Variants in KCNMB2 observed in about 807,000 individuals in gnomAD.
KCNMB2 encodes potassium calcium-activated channel subfamily M regulatory beta subunit 2, also known as calcium-activated potassium channel subunit beta-2.
KCNMB2 carries 9 observed loss-of-function variants against 24.5 expected under a neutral mutation model. The observed-to-expected ratio is 0.37, with a 90% CI of 0.22 to 0.64. KCNMB2 has a LOEUF of 0.64. Among genes scored for constraint, KCNMB2 ranks in the 30% least tolerant of loss-of-function variants. The pLI is 0.63. For missense variants in KCNMB2, 226 were observed against 284.3 expected (o/e 0.79, Z 1.47); for synonymous variants, 109 against 104.4 (o/e 1.04, Z -0.27).
chr3:178,698,656 A>G (rs1259941903), intron 1 of KCNMB2, among the ~76,000 whole-genome samples: 2 of 152,220 alleles, frequency 1.3e-5, no homozygotes, highest in African/African-American at 4.8e-5. Flanking sequence ...CCCTTGCCAA[A>G]GCAGTGATGC....
intron 1 of KCNMB2, among the ~76,000 whole-genome samples, chr3:178,596,275 C>T (rs1717870274): frequency 6.6e-6 from 1 of 151,968 alleles, no homozygotes; most frequent in Middle Eastern, 3.4e-3. Flanking sequence ...AATGATAGTT[C>T]AGAATAAGAA....
At chr3:178,836,944 C>A (rs1400053952) in intron 4 of KCNMB2, among the ~76,000 whole-genome samples, 4 of 152,018 alleles carry the variant, frequency 2.6e-5, no homozygotes, top group Non-Finnish European at 4.4e-5. Flanking sequence ...CATAAAAATA[C>A]CCTCTGAACA....
Position 178,593,604 on chromosome 3 carries a change from C to T in KCNMB2, c.-68+56893C>T, listed in dbSNP as rs75931638. ...TTTATTCTATTGATTTTGACCGATG[C>T]TTATTTTGTTGACCAATAGTTATTT... On this transcript the variant is annotated intron_variant, in intron 1 of 4. Coordinates refer to ENST00000452583, the MANE Select transcript of KCNMB2 (RefSeq NM_181361.3). Among the ~76,000 whole-genome samples the T allele has an allele frequency of 1.7e-3, 262 of 151,936 alleles. 1 individual carries two copies. The highest frequency in any genetic ancestry group is 6.2e-3 in the African/African-American group (257 of 41,416).
intron 1 of KCNMB2, among the ~76,000 whole-genome samples, chr3:178,543,738 AT>A (rs1365491273): frequency 5.3e-5 from 8 of 152,100 alleles, no homozygotes; most frequent in Admixed American, 3.3e-4. Flanking sequence ...GTTCTTTAAT[AT>A]TTTGTAATTT....
chr3:178,757,071 C>G (rs991456582), intron 1 of KCNMB2: 1 of 151,104 alleles, frequency 6.6e-6, no homozygotes, highest in African/African-American at 2.4e-5. Flanking sequence ...TACACCCATC[C>G]TTGCTTACCT....
chr3:178,647,957 T>A (rs1260527253), intron 1 of KCNMB2, among the ~76,000 whole-genome samples: 1 of 151,704 alleles, frequency 6.6e-6, no homozygotes, highest in East Asian at 1.9e-4. Flanking sequence ...TAATTATATA[T>A]AAATAATTAA....
In KCNMB2 at chr3:178,594,913, T is replaced by C. The variant is rs1006292569; in HGVS notation, c.-68+58202T>C. Among the ~76,000 whole-genome samples the C allele has an allele frequency of 2.0e-5, 3 of 152,034 alleles. No individual in the cohort carries two copies. The East Asian group carries it at 5.8e-4, about 29-fold the overall frequency. On this transcript the variant is annotated intron_variant, in intron 1 of 4. Coordinates refer to ENST00000452583, the MANE Select transcript of KCNMB2 (RefSeq NM_181361.3). ...CTTCACCATATTCTCTTATGAAAAA[T>C]CTGTTTGCAATTCTTCTTTCCAATG...
intron 2 of KCNMB2, among the ~76,000 whole-genome samples, chr3:178,808,464 T>C (rs149283590): frequency 1.4e-4 from 21 of 152,194 alleles, no homozygotes; most frequent in African/African-American, 4.3e-4. Flanking sequence ...AATTGATAAA[T>C]GGTGCTGGGC....
At position 178,742,992 on chromosome 3, in the gene KCNMB2, C is replaced by A. The variant is rs150062040; in HGVS notation, c.-67-64351C>A. On this transcript the variant is annotated intron_variant, in intron 1 of 4. Coordinates refer to ENST00000452583, the MANE Select transcript of KCNMB2 (RefSeq NM_181361.3). ...ATTGAATGATTTTTTGAGTCTGTGG[C>A]TGTTACAAGAAACACTATTTTGAGG... Among the ~76,000 whole-genome samples, 3 of 152,172 alleles carry A rather than the reference C, an allele frequency of 2.0e-5. No individual in the cohort carries two copies. In the East Asian group the frequency reaches 5.8e-4, roughly 30 times the overall value.
chr3:178,769,955 AT>A (rs1712277414), intron 1 of KCNMB2, among the ~76,000 whole-genome samples: 1 of 152,236 alleles, frequency 6.6e-6, no homozygotes, highest in African/African-American at 2.4e-5. Context: ...ACAGAAAAAA[AT>A]GTCTGTAACT....
chr3:178,659,628 T>G (rs1006498205), intron 1 of KCNMB2, among the ~76,000 whole-genome samples: 8 of 152,316 alleles, frequency 5.3e-5, no homozygotes, highest in African/African-American at 1.9e-4. Context: ...ATTTGGTCAA[T>G]TTCTGCACTG....
intron 1 of KCNMB2, among the ~76,000 whole-genome samples, chr3:178,542,033 G>A (rs969814985): frequency 2.6e-5 from 4 of 152,112 alleles, no homozygotes; most frequent in Non-Finnish European, 5.9e-5. Context: ...CCACCCAATA[G>A]GGGAACAACA....
chr3:178,786,202 T>C (rs1189248556), intron 1 of KCNMB2, among the ~76,000 whole-genome samples: 5 of 152,142 alleles, frequency 3.3e-5, no homozygotes, highest in Non-Finnish European at 5.9e-5. Context: ...ATTTTACACA[T>C]ATTATGAGTT....
chr3:178,654,928 GT>G lies in KCNMB2; in HGVS notation c.-68+118218del, dbSNP rs551110643. Among the ~76,000 whole-genome samples the G allele has an allele frequency of 4.6e-5, 7 of 152,254 alleles. No homozygotes were observed. The East Asian group carries it at 1.2e-3, about 25-fold the overall frequency. On this transcript the variant is annotated intron_variant, in intron 1 of 4. Coordinates refer to ENST00000452583, the MANE Select transcript of KCNMB2 (RefSeq NM_181361.3). ...TGTCTAAGCCTCAGTTTTCTCATTT[GT>G]AACATGGAGATTATAGTGGTTTCTA...
At chr3:178,622,824 C>G (rs1718971956) in intron 1 of KCNMB2, among the ~76,000 whole-genome samples, 1 of 152,130 alleles carries the variant, frequency 6.6e-6, no homozygotes. Flanking sequence ...AACGTAGGAT[C>G]CTTTAATTGG....
intron 1 of KCNMB2, among the ~76,000 whole-genome samples, chr3:178,767,129 C>T (rs1184095836): frequency 6.6e-6 from 1 of 152,130 alleles, no homozygotes; most frequent in Non-Finnish European, 1.5e-5. Flanking sequence ...TTATCTGGTT[C>T]AAAATGTGAA....
chr3:178,757,695 TATATATCC>T (rs1724172175), intron 1 of KCNMB2, among the ~76,000 whole-genome samples: 1 of 71,528 alleles, frequency 1.4e-5, no homozygotes, highest in African/African-American at 5.4e-5. Context: ...TATATATGTA[TATATATCC>T]AAGAGGATAT....
chr3:178,811,197 ATATT>A (rs1425131097), intron 2 of KCNMB2, among the ~76,000 whole-genome samples: 2 of 152,162 alleles, frequency 1.3e-5, no homozygotes, highest in Non-Finnish European at 2.9e-5. Flanking sequence ...ATACAAATGA[ATATT>A]TATTACATAT....
chr3:178,539,368 T>C (rs1185791064), intron 1 of KCNMB2, among the ~76,000 whole-genome samples: 1 of 152,220 alleles, frequency 6.6e-6, no homozygotes, highest in African/African-American at 2.4e-5. Context: ...ACAGCAGTTA[T>C]CTCAGTGAGG....
Sources: allele counts gnomAD v4.1 joint callset (sites outside exome capture counted in the v4.1 genomes callset), GRCh38; gene constraint gnomAD v4.1.1; transcripts MANE v1.5; gene names NCBI Gene and HGNC (gene_info 2026-07-23, HGNC 2026-07-21).